DPY19L3: variants seen among roughly 807,000 people sequenced by gnomAD.
DPY19L3 encodes dpy-19 like C-mannosyltransferase 3, also known as protein C-mannosyl-transferase DPY19L3.
A neutral mutation model predicts 92.3 loss-of-function variants in DPY19L3; 51 were observed. That is an observed-to-expected ratio of 0.55 (90% CI 0.44 to 0.70). The LOEUF is 0.70. DPY19L3 is among the 30% of genes least tolerant of loss of function. The pLI, the probability that DPY19L3 is intolerant of heterozygous loss-of-function variation, is 0.00. For synonymous variants in DPY19L3, 309 were observed against 315.2 expected (o/e 0.98, Z 0.21); for missense variants, 706 against 855.9 (o/e 0.82, Z 2.18).
In DPY19L3 at chr19:32,471,400, C is replaced by T. The variant is rs572990469; in HGVS notation, c.1697+2587C>T. On this transcript the variant is annotated intron_variant, in intron 16 of 18. Transcript: ENST00000392250. ...CCCATGCAATCATCACGGCATCTAT[C>T]GGACAGGGGCACAGCCTCCATTAGG... Among the ~76,000 whole-genome samples the T allele has an allele frequency of 1.7e-3, 255 of 152,320 alleles. 2 individuals carry two copies. Among genetic ancestry groups the T allele is most frequent in the Admixed American group, 4.1e-3 (62 of 15,304 alleles).
chr19:32,406,017 C>T (rs1432257091), intron 1 of DPY19L3, 108 bp downstream of exon 1: 10 of 151,022 alleles, frequency 6.6e-5, no homozygotes, highest in Non-Finnish European at 1.3e-4. Flanking sequence ...CGCCCCTCCC[C>T]GCCGCGTGGC....
chr19:32,461,057 G>T (rs1056683554), intron 12 of DPY19L3, among the ~76,000 whole-genome samples: 3 of 152,114 alleles, frequency 2.0e-5, no homozygotes, highest in Non-Finnish European at 4.4e-5. Context: ...GTAGAAACAG[G>T]GTTTCACCAT....
chr19:32,434,934 G>A (rs1262652355), intron 4 of DPY19L3, among the ~76,000 whole-genome samples: 1 of 152,158 alleles, frequency 6.6e-6, no homozygotes, highest in Non-Finnish European at 1.5e-5. Context: ...TCTTAGGTTG[G>A]AGAGTTATCC....
chr19:32,482,810 T>TA lies in DPY19L3; in HGVS notation c.*571dup, dbSNP rs1260793508. On this transcript the variant is annotated 3_prime_UTR_variant, in exon 19 of 19. Transcript: ENST00000392250. ...TAAGGCTTTGTATCAAACATTTTGT[T>TA]ACACTCTGTCTGAAATGTAATGTGG... is the stretch of plus-strand genomic sequence containing the variant. The TA allele has an allele frequency of 6.5e-6, 1 of 152,994 alleles. No individual in the cohort carries two copies. Among genetic ancestry groups the TA allele is most frequent in the Non-Finnish European group, 1.5e-5 (1 of 68,606 alleles). 9.5% of individuals were successfully genotyped at this position (152,994 alleles called of 1,614,324 possible).
At chr19:32,431,275 G>C (rs1244131816) in intron 3 of DPY19L3, among the ~76,000 whole-genome samples, 3 of 152,082 alleles carry the variant, frequency 2.0e-5, no homozygotes, top group Non-Finnish European at 4.4e-5. Flanking sequence ...CTACTAGGGA[G>C]GCTGAGGCAG....
At position 32,447,774 on chromosome 19, in the gene DPY19L3, T is replaced by TTG. The variant is rs1568343905; in HGVS notation, c.856-5371_856-5370insTG. Among the ~76,000 whole-genome samples the TTG allele has an allele frequency of 2.3e-3, 316 of 137,914 alleles. 2 individuals carry two copies. The highest frequency in any genetic ancestry group is 7.6e-3 in the African/African-American group (273 of 36,122). 90.5% of individuals were successfully genotyped at this position (137,914 alleles called of 152,430 possible). ...ATAGATAGATAGATAGATAGATAGA[T>TTG]AGATTAGATAAGATACTCCATCTCA... is the stretch of plus-strand genomic sequence containing the variant. On this transcript the variant is annotated intron_variant, in intron 8 of 18. Transcript: ENST00000392250.
chr19:32,426,661 C>T (rs939775074), intron 3 of DPY19L3, among the ~76,000 whole-genome samples: 3 of 152,174 alleles, frequency 2.0e-5, no homozygotes, highest in Non-Finnish European at 4.4e-5. Flanking sequence ...TTTCAGTTCA[C>T]CGTCTTACAT....
intron 8 of DPY19L3, among the ~76,000 whole-genome samples, chr19:32,447,770 T>C (rs1444474769): frequency 4.2e-5 from 6 of 143,450 alleles, no homozygotes; most frequent in African/African-American, 1.6e-4. Flanking sequence ...GATAGATAGA[T>C]AGATAGATTA....
At position 32,463,365 on chromosome 19, in the gene DPY19L3, G is replaced by A; in HGVS notation, c.1323-1G>A. 6.2e-7 allele frequency: 1 copy of A among 1,613,298 alleles called. No homozygotes were observed. Among genetic ancestry groups the A allele is most frequent in the Non-Finnish European group, 8.5e-7 (1 of 1,179,620 alleles). ...ATTTTGTATGTTGCTGTTTTACTCAGTGATTCTACAAATCAACAATCCGTG... is the reference window on the plus strand; with the variant it reads ...ATTTTGTATGTTGCTGTTTTACTCAATGATTCTACAAATCAACAATCCGTG... On this transcript the variant is annotated splice_acceptor_variant, in intron 12 of 18. Transcript: ENST00000392250. LOFTEE classifies it high-confidence loss of function.
intron 3 of DPY19L3, among the ~76,000 whole-genome samples, chr19:32,424,973 C>T (rs541119739): frequency 3.3e-5 from 5 of 152,160 alleles, no homozygotes; most frequent in South Asian, 2.1e-4. Context: ...AGGACAGTTA[C>T]GTGGAGAAAG....
At chr19:32,480,757 G>T in intron 18 of DPY19L3, 200 bp downstream of exon 18, 1 of 699,406 alleles carries the variant, frequency 1.4e-6, no homozygotes. Context: ...CAAGGGAGAG[G>T]TGAGAGGGGA....
rs922589212 is a variant in DPY19L3 at position 32,463,602 on chromosome 19, A to G, written c.1445+114A>G. 3.2e-6 allele frequency: 4 copies of G among 1,266,330 alleles called. No individual in the cohort carries two copies. In the African/African-American group the frequency reaches 6.0e-5, roughly 19 times the overall value. The allele number at this position is 1,266,330 out of a possible 1,614,324, so 78.4% of individuals were successfully genotyped here. A position where few individuals can be genotyped will look rare whatever the true frequency, so the allele number is the denominator to read the frequency against. On this transcript the variant is annotated intron_variant, in intron 13 of 18. Transcript: ENST00000392250. ...CATTAATGATCATGGTTCCCATAAA[A>G]TCATCCTTATATCCTATCTTCTCTC...
chr19:32,459,917 C>T (rs1016657421), intron 12 of DPY19L3, among the ~76,000 whole-genome samples: 8 of 152,132 alleles, frequency 5.3e-5, no homozygotes, highest in Non-Finnish European at 1.0e-4. Context: ...GCGATTTTAT[C>T]ATTGTGCGAA....
intron 16 of DPY19L3, 122 bp from the exon 17 acceptor site, chr19:32,477,400 T>A: frequency 7.6e-7 from 1 of 1,317,966 alleles, no homozygotes; most frequent in Non-Finnish European, 1.0e-6. Flanking sequence ...CCGTTTTTTT[T>A]CCCTGACTCG....
chr19:32,448,103 A>C (rs1244299534), intron 8 of DPY19L3, among the ~76,000 whole-genome samples: 1 of 152,140 alleles, frequency 6.6e-6, no homozygotes, highest in Non-Finnish European at 1.5e-5. Flanking sequence ...TTAAATTTAC[A>C]CAAATAAAAT....
intron 3 of DPY19L3, among the ~76,000 whole-genome samples, chr19:32,427,492 T>C (rs887806385): frequency 6.6e-6 from 1 of 152,234 alleles, no homozygotes; most frequent in African/African-American, 2.4e-5. Flanking sequence ...TTACTTGATA[T>C]TGCCGAATTT....
intron 3 of DPY19L3, among the ~76,000 whole-genome samples, chr19:32,414,822 C>T (rs1319407936): frequency 1.3e-5 from 2 of 152,176 alleles, no homozygotes; most frequent in Admixed American, 6.5e-5. Flanking sequence ...AACCAGCCTT[C>T]CTACTTTCCT....
At chr19:32,477,176 A>G (rs1417294929) in intron 16 of DPY19L3, among the ~76,000 whole-genome samples, 1 of 152,158 alleles carries the variant, frequency 6.6e-6, no homozygotes, top group Non-Finnish European at 1.5e-5. Context: ...CCTGCCTTCT[A>G]AGACAATTCC....
At chr19:32,437,411 C>G in intron 6 of DPY19L3, 72 bp downstream of exon 6, 1 of 1,517,566 alleles carries the variant, frequency 6.6e-7, no homozygotes, top group South Asian at 1.3e-5. Context: ...ATTTCCAGCT[C>G]AGAGAAATTT....
Sources: allele counts gnomAD v4.1 joint callset (sites outside exome capture counted in the v4.1 genomes callset), GRCh38; gene constraint gnomAD v4.1.1; transcripts MANE v1.5; gene names NCBI Gene and HGNC (gene_info 2026-07-23, HGNC 2026-07-21).